DIP2C: variants seen among roughly 807,000 people sequenced by gnomAD.
The protein encoded by DIP2C is disco-interacting protein 2 homolog C.
In DIP2C, 33 loss-of-function variants were observed where a neutral mutation model predicts 192.4. The ratio of observed to expected loss-of-function variants is 0.17; its 90% CI spans 0.13 to 0.23. The LOEUF (loss-of-function observed/expected upper bound fraction) is 0.23, where lower values mean the gene tolerates loss of function less well. Among genes scored for constraint, DIP2C ranks in the 10% least tolerant of loss-of-function variants. The pLI is 1.00. For synonymous variants in DIP2C, 979 were observed against 864.1 expected, an observed-to-expected ratio of 1.13 and a Z score of -2.33; for missense variants, 1,537 against 2,110.1, an observed-to-expected ratio of 0.73 and a Z score of 5.32.
intron 3 of DIP2C, among the ~76,000 whole-genome samples, chr10:453,661 C>T (rs1251936596): frequency 2.6e-5 from 4 of 152,124 alleles, no homozygotes; most frequent in South Asian, 2.1e-4. Flanking sequence ...GCAGCATTAA[C>T]GTGTTATCAA....
intron 24 of DIP2C, among the ~76,000 whole-genome samples, chr10:351,597 G>A (rs1040792558): frequency 7.2e-5 from 11 of 152,124 alleles, no homozygotes; most frequent in African/African-American, 2.7e-4. Context: ...CCACTTAGAG[G>A]ACACCTAAAA....
chr10:319,740 A>G (rs1361213403), intron 31 of DIP2C, among the ~76,000 whole-genome samples: 1 of 152,194 alleles, frequency 6.6e-6, no homozygotes, highest in Non-Finnish European at 1.5e-5. Context: ...TTTTAAAGTC[A>G]TTTTTCCAGC....
Position 357,854 on chromosome 10 carries a change from T to C in DIP2C, c.2878A>G (p.Ile960Val), listed in dbSNP as rs756147758. 1 of 1,612,608 alleles carries C rather than the reference T, an allele frequency of 6.2e-7. No individual in the cohort carries two copies. The highest frequency in any genetic ancestry group is 8.5e-7 in the Non-Finnish European group (1 of 1,179,876). The change falls in exon 23 of 37, where the codon ATC (isoleucine) becomes GTC (valine). Residue 960 changes from isoleucine to valine, a missense_variant. Transcript: ENST00000280886. The stretch of plus-strand genomic sequence containing the variant: ...TTGCGTGCCTGGTCGTTATCTTCGA[T>C]CTGACCCAGGTCTCTGCCACTGGCC... Reference protein sequence around the residue: ...AQASGRDLGQIEDNDQARKFL... With the variant: ...AQASGRDLGQVEDNDQARKFL...
chr10:457,677 CCCTGGGTAG>C (rs1364499863), intron 3 of DIP2C, among the ~76,000 whole-genome samples: 1 of 152,124 alleles, frequency 6.6e-6, no homozygotes, highest in Non-Finnish European at 1.5e-5. Flanking sequence ...CACCTCAGCC[CCCTGGGTAG>C]CTGGGACCAC....
At chr10:278,193 A>G (rs1297177388) in intron 36 of DIP2C, among the ~76,000 whole-genome samples, 2 of 145,612 alleles carry the variant, frequency 1.4e-5, no homozygotes. Flanking sequence ...CGCCTAGGGC[A>G]TGGGTGCCTA....
chr10:509,495 C>T (rs536612664), intron 1 of DIP2C, among the ~76,000 whole-genome samples: 1 of 152,174 alleles, frequency 6.6e-6, no homozygotes, highest in Non-Finnish European at 1.5e-5. Flanking sequence ...AGACAGACTA[C>T]GGAGCAGAGC....
chr10:336,092 G>A (rs1957756106), intron 29 of DIP2C, among the ~76,000 whole-genome samples: 2 of 152,192 alleles, frequency 1.3e-5, no homozygotes, highest in African/African-American at 4.8e-5. Flanking sequence ...TTGTAGGCTA[G>A]GTGTGGTGGT....
At chr10:499,282 A>C (rs1845063812) in intron 1 of DIP2C, among the ~76,000 whole-genome samples, 1 of 152,216 alleles carries the variant, frequency 6.6e-6, no homozygotes, top group Non-Finnish European at 1.5e-5. Flanking sequence ...CCCTGACAGC[A>C]GCATTTGCAC....
intron 1 of DIP2C, among the ~76,000 whole-genome samples, chr10:564,521 C>T (rs558071778): frequency 1.4e-4 from 22 of 152,290 alleles, no homozygotes; most frequent in South Asian, 1.2e-3. Context: ...GAGGGCCAAG[C>T]GCAGCAGAGC....
intron 32 of DIP2C, among the ~76,000 whole-genome samples, chr10:300,255 G>C (rs1955959878): frequency 6.6e-6 from 1 of 152,174 alleles, no homozygotes; most frequent in African/African-American, 2.4e-5. Flanking sequence ...GTGAACATCG[G>C]CAGACAATGG....
Position 439,482 on chromosome 10 carries a change from T to C in DIP2C, c.394+1389A>G, listed in dbSNP as rs370981961. ...AAACTTAAAAATTAGCTGGGTGTGG[T>C]GGCATGCACCTGTGGTCCCAGGTGC... On this transcript the variant is annotated intron_variant, in intron 4 of 36. Coordinates refer to ENST00000280886, the MANE Select transcript of DIP2C (RefSeq NM_014974.3). 1.3e-4 allele frequency among the ~76,000 whole-genome samples: 20 copies of C among 152,242 alleles called. 1 individual carries two copies. Among genetic ancestry groups the C allele is most frequent in the African/African-American group, 3.6e-4 (15 of 41,544 alleles).
intron 1 of DIP2C, among the ~76,000 whole-genome samples, chr10:514,948 CT>C (rs534775885): frequency 6.6e-6 from 1 of 152,222 alleles, no homozygotes; most frequent in African/African-American, 2.4e-5. Context: ...AAAAAACAAG[CT>C]TTTTTTAACT....
intron 1 of DIP2C, among the ~76,000 whole-genome samples, chr10:579,952 G>A (rs1455914478): frequency 6.6e-6 from 1 of 151,560 alleles, no homozygotes; most frequent in Non-Finnish European, 1.5e-5. Flanking sequence ...GTATGTACAT[G>A]AATAAAGCAC....
intron 13 of DIP2C, among the ~76,000 whole-genome samples, chr10:388,039 C>A (rs1963126275): frequency 6.6e-6 from 1 of 152,054 alleles, no homozygotes; most frequent in African/African-American, 2.4e-5. Flanking sequence ...CGTTAGCTCT[C>A]CACACTGCAC....
chr10:305,723 T>C (rs1252928290), intron 32 of DIP2C, among the ~76,000 whole-genome samples: 5 of 152,134 alleles, frequency 3.3e-5, no homozygotes, highest in Admixed American at 6.5e-5. Context: ...TGGCTTACTG[T>C]AGCCTCTAAC....
intron 11 of DIP2C, 136 bp downstream of exon 11, chr10:390,603 AC>A: frequency 7.1e-7 from 1 of 1,417,412 alleles, no homozygotes; most frequent in Non-Finnish European, 9.6e-7. Flanking sequence ...AGGGACGAGA[AC>A]GCGTGAAAAC....
intron 10 of DIP2C, among the ~76,000 whole-genome samples, chr10:394,299 C>A (rs972898707): frequency 2.0e-5 from 3 of 151,984 alleles, no homozygotes; most frequent in African/African-American, 2.4e-5. Flanking sequence ...CGCTATTCAG[C>A]CTTCAGGGAG....
At chr10:358,154 T>TC (rs1268618739) in intron 22 of DIP2C, among the ~76,000 whole-genome samples, 2 of 152,092 alleles carry the variant, frequency 1.3e-5, no homozygotes, top group African/African-American at 2.4e-5. Flanking sequence ...GTTTTTATCA[T>TC]CCCTGAAGCT....
chr10:630,158 C>T (rs1395924089), intron 1 of DIP2C: 2 of 152,220 alleles, frequency 1.3e-5, no homozygotes, highest in Non-Finnish European at 2.9e-5. Context: ...GAAGCAAAAC[C>T]CGAGACTCAC....
Sources: allele counts gnomAD v4.1 joint callset (sites outside exome capture counted in the v4.1 genomes callset), GRCh38; gene constraint gnomAD v4.1.1; transcripts MANE v1.5; gene names NCBI Gene and HGNC (gene_info 2026-07-23, HGNC 2026-07-21).